ACO1: variants seen among roughly 807,000 people sequenced by gnomAD.
ACO1 encodes the protein aconitase 1, also known as cytoplasmic aconitate hydratase.
ACO1 carries 78 observed loss-of-function variants against 105.1 expected under a neutral mutation model. That is an observed-to-expected ratio of 0.74 (90% CI 0.62 to 0.90). ACO1 has a LOEUF of 0.90. ACO1 is among the 40% of genes least tolerant of loss of function. ACO1 has a pLI of 0.00. For synonymous variants in ACO1, 364 were observed against 397.4 expected, an observed-to-expected ratio of 0.92 and a Z score of 1.00; for missense variants, 965 against 1,111.1, an observed-to-expected ratio of 0.87 and a Z score of 1.87.
chr9:32,436,727 C>T (rs1822370204), intron 18 of ACO1, among the ~76,000 whole-genome samples: 1 of 152,140 alleles, frequency 6.6e-6, no homozygotes, highest in African/African-American at 2.4e-5. Flanking sequence ...TATTGTATGA[C>T]TTTATTGGCA....
At chr9:32,395,165 A>G (rs1411633179) in intron 1 of ACO1, among the ~76,000 whole-genome samples, 1 of 152,062 alleles carries the variant, frequency 6.6e-6, no homozygotes, top group Non-Finnish European at 1.5e-5. Context: ...TTCACCCACT[A>G]CTTCTCCTCC....
At chr9:32,445,379 G>C (rs977879570) in intron 19 of ACO1, 2 of 153,354 alleles carry the variant, frequency 1.3e-5, no homozygotes, top group East Asian at 1.9e-4. Flanking sequence ...ATTTCTTCTA[G>C]ATTTTCTAGT....
rs150433484 is a variant in ACO1, at chr9:32,443,049, A to AAAGT, written c.2370+2463_2370+2466dup. Among the ~76,000 whole-genome samples, 455 of 152,326 alleles carry AAAGT rather than the reference A, an allele frequency of 3.0e-3. 4 individuals carry two copies. The highest frequency in any genetic ancestry group is 0.01 in the African/African-American group (436 of 41,562). The stretch of plus-strand genomic sequence containing the variant: ...AGGTGTGAGAACAGTTCTAACTTAC[A>AAAGT]AAGTCTTTTGTTTATTTTTGTTTTT... On this transcript the variant is annotated intron_variant, in intron 19 of 20. Transcript: ENST00000309951.
intron 1 of ACO1, among the ~76,000 whole-genome samples, chr9:32,402,729 C>T (rs983718475): frequency 6.6e-6 from 1 of 152,190 alleles, no homozygotes; most frequent in Admixed American, 6.5e-5. Context: ...TCTTTCTTCT[C>T]ACACCTCTTT....
chr9:32,424,505 G>A, intron 9 of ACO1, 44 bp from the exon 10 acceptor site: 2 of 1,332,752 alleles, frequency 1.5e-6, no homozygotes, highest in Non-Finnish European at 2.1e-6. Context: ...CCTCTTTGTG[G>A]GTATAATGTA....
At chr9:32,448,815 T>G in intron 19 of ACO1, 81 bp from the exon 20 acceptor site, 1 of 1,491,744 alleles carries the variant, frequency 6.7e-7, no homozygotes, top group Non-Finnish European at 9.3e-7. Context: ...TCATGCCAGC[T>G]CTCTCACAAA....
At chr9:32,428,823 AAC>A (rs1392490992) in intron 12 of ACO1, among the ~76,000 whole-genome samples, 1 of 151,848 alleles carries the variant, frequency 6.6e-6, no homozygotes, top group Non-Finnish European at 1.5e-5. Context: ...CAGCCTGGGC[AAC>A]AGAGCGAGAC....
intron 17 of ACO1, among the ~76,000 whole-genome samples, chr9:32,435,492 C>T (rs1822335486): frequency 6.6e-6 from 1 of 152,144 alleles, no homozygotes; most frequent in Non-Finnish European, 1.5e-5. Flanking sequence ...CCATTAAACT[C>T]TCTCAGTCCT....
rs1821589840 is a variant in ACO1, at chr9:32,405,500, A to G, written c.-7A>G. 1.2e-6 allele frequency: 2 copies of G among 1,606,268 alleles called. No homozygotes were observed. ...TTCTTTTCAGGAACACGTGGCCATC[A>G]GTAATCATGAGCAACCCATTCGCAC... is the stretch of plus-strand genomic sequence containing the variant. On this transcript the variant is annotated 5_prime_UTR_variant, in exon 2 of 21. Transcript: ENST00000309951.
intron 18 of ACO1, among the ~76,000 whole-genome samples, 182 bp downstream of exon 18, chr9:32,436,579 T>C (rs1822367182): frequency 6.6e-6 from 1 of 152,238 alleles, no homozygotes; most frequent in South Asian, 2.1e-4. Flanking sequence ...ATTCAAACCT[T>C]TTCTTCTTGC....
At chr9:32,403,419 G>A (rs1821540130) in intron 1 of ACO1, among the ~76,000 whole-genome samples, 1 of 152,064 alleles carries the variant, frequency 6.6e-6, no homozygotes. Context: ...AGCTTCCAAG[G>A]AAAAAGGGAG....
chr9:32,404,912 A>G (rs1821573971), intron 1 of ACO1, among the ~76,000 whole-genome samples: 1 of 152,290 alleles, frequency 6.6e-6, no homozygotes, highest in South Asian at 2.1e-4. Flanking sequence ...ACAAGAAAGA[A>G]CCCTGGATAA....
chr9:32,398,288 C>T lies in ACO1; in HGVS notation c.-22-7197C>T, dbSNP rs942244937. On this transcript the variant is annotated intron_variant, in intron 1 of 20. Coordinates refer to ENST00000309951, the MANE Select transcript of ACO1 (RefSeq NM_002197.3). ...CCCTAAAAGGTGAATCTTATTTTTT[C>T]TGATCCTTGGCATTTAGCTTAAAGT... Among the ~76,000 whole-genome samples the T allele has an allele frequency of 1.3e-5, 2 of 152,142 alleles. 1 individual carries two copies. Among genetic ancestry groups the T allele is most frequent in the South Asian group, 4.1e-4 (2 of 4,830 alleles).
intron 1 of ACO1, among the ~76,000 whole-genome samples, chr9:32,390,596 A>G (rs1447893149): frequency 6.6e-6 from 1 of 152,268 alleles, no homozygotes; most frequent in Non-Finnish European, 1.5e-5. Flanking sequence ...ATGCTAAAAT[A>G]ATTTGAATTG....
rs1393861407 is a variant in ACO1 at position 32,450,477 on chromosome 9, CCT to C, written c.*369_*370del. The C allele has an allele frequency of 8.7e-6, 3 of 346,366 alleles. No individual in the cohort carries two copies. The highest frequency in any genetic ancestry group is 1.7e-5 in the Non-Finnish European group (3 of 178,232). The allele number at this position is 346,366 out of a possible 1,614,324, so 21.5% of individuals were successfully genotyped here. A position where few individuals can be genotyped will look rare whatever the true frequency, so the allele number is the denominator to read the frequency against. On this transcript the variant is annotated 3_prime_UTR_variant, in exon 21 of 21. Coordinates refer to ENST00000309951, the MANE Select transcript of ACO1 (RefSeq NM_002197.3). The stretch of plus-strand genomic sequence containing the variant: ...AACCTTCTCAGGAGGTGTCTCCTAC[CCT>C]CTTATTGTTCCTCTTACGCTCTGCT...
chr9:32,400,871 TTA>T (rs1196710573), intron 1 of ACO1, among the ~76,000 whole-genome samples: 2 of 152,292 alleles, frequency 1.3e-5, no homozygotes, highest in East Asian at 1.9e-4. Context: ...CATGTTAACT[TTA>T]TGTCTTTCTT....
In ACO1 at chr9:32,416,158, G is replaced by A. The variant is rs561697063; in HGVS notation, c.405-1970G>A. ...CGCCCAAGTTGGAGTGCAGTGGCGCGATCTTGGCTCACTGCAACCTCCACC... is the reference window on the plus strand; with the variant it reads ...CGCCCAAGTTGGAGTGCAGTGGCGCAATCTTGGCTCACTGCAACCTCCACC... On this transcript the variant is annotated intron_variant, in intron 4 of 20. Coordinates refer to ENST00000309951, the MANE Select transcript of ACO1 (RefSeq NM_002197.3). Among the ~76,000 whole-genome samples the A allele has an allele frequency of 8.0e-5, 12 of 150,186 alleles. No homozygotes were observed. In the South Asian group the frequency reaches 1.3e-3, roughly 16 times the overall value.
chr9:32,427,545 G>C (rs1437867157), intron 12 of ACO1, 109 bp downstream of exon 12: 4 of 1,452,270 alleles, frequency 2.8e-6, no homozygotes, highest in Non-Finnish European at 3.8e-6. Flanking sequence ...ATATCTAATT[G>C]CATAGTCGTT....
In ACO1 at chr9:32,418,214, G is replaced by C; in HGVS notation, c.474+17G>C. On this transcript the variant is annotated intron_variant, in intron 5 of 20. Transcript: ENST00000309951. ...TTTTTAAAGGTATGGGCAGGGTCTG[G>C]TTCCATTGTTTGGTTTTCTTTGTAG... is the stretch of plus-strand genomic sequence containing the variant. The C allele has an allele frequency of 6.2e-7, 1 of 1,614,058 alleles. No homozygotes were observed. The highest frequency in any genetic ancestry group is 1.1e-5 in the South Asian group (1 of 91,076).
Sources: allele counts gnomAD v4.1 joint callset (sites outside exome capture counted in the v4.1 genomes callset), GRCh38; gene constraint gnomAD v4.1.1; transcripts MANE v1.5; gene names NCBI Gene and HGNC (gene_info 2026-07-23, HGNC 2026-07-21).